The following ATP10B variants were observed in gnomAD, a reference collection of about 807,000 sequenced individuals.
ATP10B encodes phospholipid-transporting ATPase VB.
In ATP10B, 122 loss-of-function variants were observed where a neutral mutation model predicts 141.2. The ratio of observed to expected loss-of-function variants is 0.86; its 90% confidence interval spans 0.75 to 1.00. The LOEUF (loss-of-function observed/expected upper bound fraction) is 1.00. Among genes scored for constraint, ATP10B ranks in the 50% least tolerant of loss-of-function variants. The pLI, the probability that ATP10B is intolerant of heterozygous loss-of-function variation, is 0.00. For synonymous variants in ATP10B, 685 were observed against 692.0 expected (o/e 0.99, Z 0.16); for missense variants, 1,876 against 1,825.3 (o/e 1.03, Z -0.51).
chr5:160,912,302 T>A, the ATP10B span, among the ~76,000 whole-genome samples: 1 of 150,928 alleles, frequency 6.6e-6, no homozygotes, highest in Non-Finnish European at 1.5e-5. Context: ...TTCAGCCTGG[T>A]GCAGTGGCTC....
At chr5:160,836,317 A>G (rs1274692683) in intron 1 of ATP10B, among the ~76,000 whole-genome samples, 1 of 152,114 alleles carries the variant, frequency 6.6e-6, no homozygotes, top group Admixed American at 6.6e-5. Flanking sequence ...CATTGAAAAA[A>G]TTTTAAGTTT....
intron 13 of ATP10B, among the ~76,000 whole-genome samples, chr5:160,627,847 G>C (rs1057465934): frequency 6.6e-6 from 1 of 152,190 alleles, no homozygotes; most frequent in Non-Finnish European, 1.5e-5. Context: ...TGCCATACTT[G>C]TCTGTTTCTG....
chr5:160,858,140 C>T, the ATP10B span, among the ~76,000 whole-genome samples: 1 of 151,650 alleles, frequency 6.6e-6, no homozygotes, highest in Non-Finnish European at 1.5e-5. Context: ...GTTTTACATG[C>T]TTTGTGACTA....
intron 2 of ATP10B, among the ~76,000 whole-genome samples, chr5:160,782,180 C>T (rs953334166): frequency 1.3e-5 from 2 of 151,990 alleles, no homozygotes; most frequent in Admixed American, 6.6e-5. Flanking sequence ...AATGTTGAAA[C>T]GCAGTAATGT....
the ATP10B span, among the ~76,000 whole-genome samples, chr5:160,865,483 A>G: frequency 6.6e-6 from 1 of 152,086 alleles, no homozygotes; most frequent in Non-Finnish European, 1.5e-5. Context: ...AGAAGATAAC[A>G]TTGGAAAATC....
chr5:160,785,530 C>A lies in ATP10B; in HGVS notation c.-331+29G>T, dbSNP rs184696581. 32 of 519,504 alleles carry A rather than the reference C, an allele frequency of 6.2e-5. No individual in the cohort carries two copies. The East Asian group carries it at 2.1e-3, about 34-fold the overall frequency. The allele number at this position is 519,504 out of a possible 1,614,324, so 32.2% of individuals were successfully genotyped here. A position where few individuals can be genotyped will look rare whatever the true frequency, so the allele number is the denominator to read the frequency against. On this transcript the variant is annotated intron_variant, in intron 2 of 25. Transcript: ENST00000327245. ...ATGCTGAGGTTTGGGCTTCTAATGACCCCACTGCCCAAGAAGTAAAGATAG... is the reference window on the plus strand; with the variant it reads ...ATGCTGAGGTTTGGGCTTCTAATGAACCCACTGCCCAAGAAGTAAAGATAG...
At chr5:160,927,102 C>T in the ATP10B span, among the ~76,000 whole-genome samples, 3 of 152,150 alleles carry the variant, frequency 2.0e-5, no homozygotes, top group African/African-American at 7.2e-5. Context: ...AAGTGACTTG[C>T]CCACAATTGC....
rs778613460 is a variant in ATP10B at position 160,670,711 on chromosome 5, C to T, written c.471-44G>A. ...AGGGTGTGAGTGAGCTTTAAGTTTC[C>T]TCAGAACACTAATGAAAGAATAGAG... is the stretch of plus-strand genomic sequence containing the variant. On this transcript the variant is annotated intron_variant, in intron 6 of 25. Transcript: ENST00000327245. The T allele has an allele frequency of 1.9e-6, 3 of 1,552,738 alleles. No homozygotes were observed. The African/African-American group carries it at 4.1e-5, about 21-fold the overall frequency.
intron 2 of ATP10B, among the ~76,000 whole-genome samples, chr5:160,734,577 G>GA (rs905743037): frequency 1.3e-5 from 2 of 151,542 alleles, no homozygotes; most frequent in East Asian, 1.9e-4. Context: ...TACAACCACT[G>GA]AAAAAAATGT....
At chr5:160,804,076 CA>C (rs1308278996) in intron 1 of ATP10B, among the ~76,000 whole-genome samples, 1 of 152,028 alleles carries the variant, frequency 6.6e-6, no homozygotes, top group Non-Finnish European at 1.5e-5. Flanking sequence ...AAAACAAAAA[CA>C]AAACTAAGTC....
rs142992186 is a variant in ATP10B, at chr5:160,835,657, C to T, written c.-576+16284G>A. 6.1e-3 allele frequency among the ~76,000 whole-genome samples: 934 copies of T among 152,166 alleles called. 15 individuals carry two copies. Among genetic ancestry groups the T allele is most frequent in the African/African-American group, 0.022 (900 of 41,544 alleles). On this transcript the variant is annotated intron_variant, in intron 1 of 25. Coordinates refer to ENST00000327245, the MANE Select transcript of ATP10B (RefSeq NM_025153.3). ...TCAACCAAAGAGACTTTTCCTTTTCCTGATTTCAAAATCTCTGTCAAGCAG... is the reference window on the plus strand; with the variant it reads ...TCAACCAAAGAGACTTTTCCTTTTCTTGATTTCAAAATCTCTGTCAAGCAG...
chr5:160,852,230 T>G (rs996528969), upstream of ATP10B: 1 of 152,184 alleles, frequency 6.6e-6, no homozygotes. Flanking sequence ...AGCAAGTCTG[T>G]GAATGTGAGG....
At chr5:160,838,009 A>G (rs1310135279) in intron 1 of ATP10B, among the ~76,000 whole-genome samples, 1 of 152,160 alleles carries the variant, frequency 6.6e-6, no homozygotes, top group Admixed American at 6.6e-5. Context: ...TTACTCATAA[A>G]CTTTTGCCAG....
At chr5:160,667,166 A>C (rs1762372164) in intron 7 of ATP10B, among the ~76,000 whole-genome samples, 1 of 152,122 alleles carries the variant, frequency 6.6e-6, no homozygotes, top group Non-Finnish European at 1.5e-5. Flanking sequence ...TGCAGTGAGC[A>C]GAGATCGTGC....
At chr5:160,626,788 C>T (rs1193623604) in intron 13 of ATP10B, among the ~76,000 whole-genome samples, 3 of 152,226 alleles carry the variant, frequency 2.0e-5, no homozygotes, top group Non-Finnish European at 4.4e-5. Flanking sequence ...CTACTGTTTT[C>T]ATTCCTTTCT....
chr5:160,653,631 C>CATATATATT (rs1761146734), intron 7 of ATP10B, among the ~76,000 whole-genome samples: 1 of 78,036 alleles, frequency 1.3e-5, no homozygotes, highest in African/African-American at 5.2e-5. Context: ...ATTATATATA[C>CATATATATT]ATATATACAT....
chr5:160,599,956 T>C (rs1349513837), intron 21 of ATP10B, among the ~76,000 whole-genome samples: 1 of 152,200 alleles, frequency 6.6e-6, no homozygotes, highest in Admixed American at 6.5e-5. Flanking sequence ...TAACTCCTAT[T>C]TCTGAACTGC....
intron 1 of ATP10B, among the ~76,000 whole-genome samples, chr5:160,821,185 C>G (rs1171738128): frequency 6.6e-6 from 1 of 152,034 alleles, no homozygotes; most frequent in East Asian, 1.9e-4. Flanking sequence ...ACAAAATCAA[C>G]ATACAATAAT....
intron 2 of ATP10B, among the ~76,000 whole-genome samples, chr5:160,768,658 C>T (rs1561834700): frequency 6.6e-6 from 1 of 152,182 alleles, no homozygotes; most frequent in Non-Finnish European, 1.5e-5. Context: ...TAGGAAACAA[C>T]ATAAGCCAAT....
Sources: gnomAD v4.1 joint callset for allele counts (sites outside exome capture counted in the v4.1 genomes callset) on GRCh38, gnomAD v4.1.1 for gene constraint, MANE v1.5 for transcripts, NCBI Gene and HGNC (gene_info 2026-07-23, HGNC 2026-07-21) for gene names.